TMEM132D: variants seen among roughly 807,000 people sequenced by gnomAD.
TMEM132D encodes the protein mature OL transmembrane protein.
In TMEM132D, 21 loss-of-function variants were observed where a neutral mutation model predicts 62.3. The observed-to-expected ratio is 0.34, with a 90% CI of 0.24 to 0.49. The LOEUF is 0.49. Among genes scored for constraint, TMEM132D ranks in the 20% least tolerant of loss-of-function variants. TMEM132D has a pLI of 0.99. For missense variants in TMEM132D, 1,346 were observed against 1,402.8 expected (o/e 0.96, Z 0.65); for synonymous variants, 621 against 575.6 (o/e 1.08, Z -1.13).
intron 4 of TMEM132D, among the ~76,000 whole-genome samples, chr12:129,239,342 G>A (rs1231634210): frequency 1.3e-5 from 2 of 152,106 alleles, no homozygotes; most frequent in Non-Finnish European, 1.5e-5. Flanking sequence ...TAGTTTGAGA[G>A]GTTTTACATT....
chr12:129,612,467 G>A (rs1878802414), intron 2 of TMEM132D, among the ~76,000 whole-genome samples: 1 of 152,132 alleles, frequency 6.6e-6, no homozygotes, highest in Non-Finnish European at 1.5e-5. Context: ...AAAAAATCCT[G>A]TTAAAACTGG....
At chr12:129,201,740 T>C (rs991079484) in intron 5 of TMEM132D, among the ~76,000 whole-genome samples, 1 of 151,132 alleles carries the variant, frequency 6.6e-6, no homozygotes, top group Non-Finnish European at 1.5e-5. Context: ...AGAGTGTCTA[T>C]AAGGAAGAAA....
At chr12:129,814,367 T>C (rs1872280028) in intron 1 of TMEM132D, among the ~76,000 whole-genome samples, 1 of 152,102 alleles carries the variant, frequency 6.6e-6, no homozygotes, top group African/African-American at 2.4e-5. Context: ...CCCAAAACTT[T>C]GGGAGGCCAA....
At chr12:129,759,353 A>G (rs1399756255) in intron 1 of TMEM132D, among the ~76,000 whole-genome samples, 1 of 152,232 alleles carries the variant, frequency 6.6e-6, no homozygotes. Context: ...CATGCTGTTG[A>G]TAAGAGCGTA....
chr12:129,309,620 G>A (rs1475606603), intron 4 of TMEM132D, among the ~76,000 whole-genome samples: 1 of 152,094 alleles, frequency 6.6e-6, no homozygotes, highest in Non-Finnish European at 1.5e-5. Flanking sequence ...CTTTATGCTG[G>A]GTCTGTGAAA....
At chr12:129,075,259 TAAAAC>T (rs1874214404) in intron 8 of TMEM132D, among the ~76,000 whole-genome samples, 200 bp from the exon 9 acceptor site, 1 of 146,254 alleles carries the variant, frequency 6.8e-6, no homozygotes, top group Admixed American at 6.8e-5. Context: ...AAAAGCAAAA[TAAAAC>T]AACAACAAAA....
intron 4 of TMEM132D, among the ~76,000 whole-genome samples, chr12:129,261,843 G>A (rs113679737): frequency 0.01 from 1,552 of 152,212 alleles, 22 homozygotes; most frequent in African/African-American, 0.032. Context: ...AAGTCCCTAT[G>A]TCCAAATACA....
In TMEM132D at chr12:129,236,388, G is replaced by A. The variant is rs540540029; in HGVS notation, c.1300-26725C>T. Among the ~76,000 whole-genome samples the A allele has an allele frequency of 3.2e-4, 48 of 151,538 alleles. No individual in the cohort carries two copies. The East Asian group carries it at 4.9e-3, about 15-fold the overall frequency. On this transcript the variant is annotated intron_variant, in intron 4 of 8. Transcript: ENST00000422113. ...AAATTAGCCAGGCGTGGTGGCGTGC[G>A]CCTGTGATCCCAGCTACTCGGGAGG...
chr12:129,306,018 C>T (rs1398825339), intron 4 of TMEM132D, among the ~76,000 whole-genome samples: 6 of 152,192 alleles, frequency 3.9e-5, no homozygotes, highest in Non-Finnish European at 8.8e-5. Flanking sequence ...AGCTCAGCAA[C>T]TCACCCACCA....
chr12:129,616,631 G>C (rs991990075), intron 2 of TMEM132D, among the ~76,000 whole-genome samples: 1 of 152,100 alleles, frequency 6.6e-6, no homozygotes, highest in Non-Finnish European at 1.5e-5. Context: ...TTTCATAAGG[G>C]ACTTTTCCCT....
chr12:129,612,285 T>C (rs192254637), intron 2 of TMEM132D, among the ~76,000 whole-genome samples: 1 of 152,294 alleles, frequency 6.6e-6, no homozygotes, highest in Non-Finnish European at 1.5e-5. Flanking sequence ...TTCTCTGCTC[T>C]CCTGCAGCTC....
At chr12:129,189,491 G>A (rs959440904) in intron 5 of TMEM132D, among the ~76,000 whole-genome samples, 4 of 152,224 alleles carry the variant, frequency 2.6e-5, no homozygotes, top group South Asian at 2.1e-4. Context: ...GCTACCCTCC[G>A]GGGTCACTGC....
chr12:129,350,019 C>T (rs1178212822), intron 3 of TMEM132D, among the ~76,000 whole-genome samples: 1 of 152,208 alleles, frequency 6.6e-6, no homozygotes, highest in South Asian at 2.1e-4. Context: ...CAAGAAACAT[C>T]AGAAATCTGG....
chr12:129,179,606 A>T (rs1311100554), intron 5 of TMEM132D, among the ~76,000 whole-genome samples: 1 of 152,200 alleles, frequency 6.6e-6, no homozygotes, highest in African/African-American at 2.4e-5. Context: ...CTCACAACGA[A>T]CCACAAAATT....
intron 5 of TMEM132D, among the ~76,000 whole-genome samples, chr12:129,087,415 A>G (rs1397512363): frequency 6.6e-6 from 1 of 151,142 alleles, no homozygotes; most frequent in Non-Finnish European, 1.5e-5. Context: ...GGCTGTTATC[A>G]GTCATTAAAT....
chr12:129,168,406 A>T (rs1001568300), intron 5 of TMEM132D, among the ~76,000 whole-genome samples: 29 of 152,280 alleles, frequency 1.9e-4, no homozygotes, highest in African/African-American at 6.7e-4. Flanking sequence ...AAGAATCCCC[A>T]TACCCATTAT....
chr12:129,117,275 GA>G (rs1875923715), intron 5 of TMEM132D, among the ~76,000 whole-genome samples: 1 of 152,024 alleles, frequency 6.6e-6, no homozygotes, highest in African/African-American at 2.4e-5. Flanking sequence ...TCAGGGGGAG[GA>G]GGGGGGAGGA....
At chr12:129,294,614 G>A (rs1490886437) in intron 4 of TMEM132D, among the ~76,000 whole-genome samples, 2 of 152,142 alleles carry the variant, frequency 1.3e-5, no homozygotes, top group Non-Finnish European at 2.9e-5. Flanking sequence ...GATCCGTGGA[G>A]TCTAAAATGT....
At chr12:129,222,116 T>G (rs1266675039) in intron 4 of TMEM132D, among the ~76,000 whole-genome samples, 1 of 152,064 alleles carries the variant, frequency 6.6e-6, no homozygotes, top group East Asian at 1.9e-4. Context: ...TAAAATGAAA[T>G]AAAATAATAA....
Sources: allele counts gnomAD v4.1 joint callset (sites outside exome capture counted in the v4.1 genomes callset), GRCh38; gene constraint gnomAD v4.1.1; transcripts MANE v1.5; gene names NCBI Gene and HGNC (gene_info 2026-07-23, HGNC 2026-07-21).